GRIA3: variants seen among roughly 807,000 people sequenced by gnomAD.
GRIA3 encodes glutamate ionotropic receptor AMPA type subunit 3.
Under a neutral mutation model 63.0 loss-of-function variants are expected in GRIA3, and 3 were observed. The observed-to-expected ratio is 0.05, with a 90% CI of 0.02 to 0.12. The LOEUF (loss-of-function observed/expected upper bound fraction) is 0.12, where lower values mean the gene tolerates loss of function less well. Ranked by LOEUF, GRIA3 falls within the 10% of genes least tolerant of loss-of-function variation. GRIA3 has a pLI of 1.00. For missense variants in GRIA3, 347 were observed against 700.9 expected, an observed-to-expected ratio of 0.50 and a Z score of 5.70; for synonymous variants, 274 against 257.9, an observed-to-expected ratio of 1.06 and a Z score of -0.60.
At chrX:123,226,223 A>G (rs1301121581) in intron 2 of GRIA3, among the ~76,000 whole-genome samples, 1 of 111,523 alleles carries the variant, frequency 9.0e-6, no homozygotes, top group Non-Finnish European at 1.9e-5. Flanking sequence ...ATTATCATAA[A>G]AAACAACATA....
In GRIA3 at chrX:123,412,514, C is replaced by T. The variant is rs569528308; in HGVS notation, c.1501-4888C>T. ...AAGAAAACTTACATGCGGCCAAAAA[C>T]TGCCTGTGGGAATAGTGGTGATAGA... On this transcript the variant is annotated intron_variant, in intron 10 of 15. Transcript: ENST00000620443. Among the ~76,000 whole-genome samples the T allele has an allele frequency of 3.0e-4, 34 of 111,865 alleles. No homozygotes were observed. In the South Asian group the frequency reaches 9.3e-3, roughly 31 times the overall value.
intron 5 of GRIA3, among the ~76,000 whole-genome samples, chrX:123,355,981 T>C (rs1015619827): frequency 1.8e-5 from 2 of 112,145 alleles, no homozygotes; most frequent in Admixed American, 9.4e-5. Flanking sequence ...GTAGTGTGCA[T>C]TTTTCTCCAA....
chrX:123,269,056 A>G lies in GRIA3; in HGVS notation c.508+15514A>G, dbSNP rs144520169. On this transcript the variant is annotated intron_variant, in intron 3 of 15. Coordinates refer to ENST00000620443, the MANE Select transcript of GRIA3 (RefSeq NM_007325.5). ...TGTAAGGCTTTACCCAACAGAATTG[A>G]AAGAGTCAATGTACCTTCCCATGTT... Among the ~76,000 whole-genome samples, 316 of 112,222 alleles carry G rather than the reference A, an allele frequency of 2.8e-3. 6 individuals carry two copies. The highest frequency in any genetic ancestry group is 9.8e-3 in the African/African-American group (303 of 30,896).
intron 2 of GRIA3, among the ~76,000 whole-genome samples, chrX:123,216,344 T>C (rs1324347085): frequency 8.9e-6 from 1 of 112,242 alleles, no homozygotes; most frequent in Non-Finnish European, 1.9e-5. Context: ...TTTTGTGCTG[T>C]GTTGTGGGGA....
chrX:123,428,880 T>A (rs1349781988), intron 12 of GRIA3, among the ~76,000 whole-genome samples: 1 of 112,311 alleles, frequency 8.9e-6, no homozygotes, highest in Non-Finnish European at 1.9e-5. Flanking sequence ...CACTTTCACA[T>A]AAACCATCAA....
chrX:123,365,324 C>A (rs1395346744), intron 5 of GRIA3, among the ~76,000 whole-genome samples: 1 of 109,643 alleles, frequency 9.1e-6, no homozygotes, highest in African/African-American at 3.3e-5. Flanking sequence ...AATAGAGGCA[C>A]CTAAAGTTGT....
At chrX:123,288,700 A>C (rs2044637044) in intron 3 of GRIA3, among the ~76,000 whole-genome samples, 2 of 112,655 alleles carry the variant, frequency 1.8e-5, no homozygotes, top group Admixed American at 9.4e-5. Flanking sequence ...AGAGAAATGC[A>C]AATCAAAACC....
intron 13 of GRIA3, among the ~76,000 whole-genome samples, chrX:123,472,812 G>A (rs2045870596): frequency 8.9e-6 from 1 of 112,591 alleles, no homozygotes; most frequent in South Asian, 3.6e-4. Context: ...TCATCAATAG[G>A]TTTCAATCAC....
At chrX:123,265,650 C>A (rs902286551) in intron 3 of GRIA3, among the ~76,000 whole-genome samples, 2 of 111,511 alleles carry the variant, frequency 1.8e-5, no homozygotes, top group African/African-American at 6.5e-5. Context: ...GCAGTCAAAC[C>A]TTTATGGTTC....
At chrX:123,190,144 C>G (rs1343734583) in intron 2 of GRIA3, among the ~76,000 whole-genome samples, 1 of 111,011 alleles carries the variant, frequency 9.0e-6, no homozygotes, top group African/African-American at 3.3e-5. Flanking sequence ...ATTTGGAAAC[C>G]AGGTGAAGAC....
chrX:123,355,915 G>A (rs1466865038), intron 5 of GRIA3, among the ~76,000 whole-genome samples: 2 of 111,289 alleles, frequency 1.8e-5, no homozygotes, highest in Admixed American at 1.9e-4. Flanking sequence ...TCTTTCTTAG[G>A]GGTATGTGCA....
At chrX:123,278,683 C>G (rs2044568682) in intron 3 of GRIA3, among the ~76,000 whole-genome samples, 1 of 112,335 alleles carries the variant, frequency 8.9e-6, no homozygotes, top group Non-Finnish European at 1.9e-5. Flanking sequence ...AAGAGGCTGT[C>G]CTTTTCCCAA....
chrX:123,218,345 A>G (rs781735172), intron 2 of GRIA3, among the ~76,000 whole-genome samples: 1 of 112,590 alleles, frequency 8.9e-6, no homozygotes, highest in African/African-American at 3.2e-5. Flanking sequence ...ACTTCCTAAC[A>G]TACTGTTCTG....
chrX:123,481,779 T>C (rs2045913879), intron 14 of GRIA3, among the ~76,000 whole-genome samples: 1 of 112,037 alleles, frequency 8.9e-6, no homozygotes, highest in South Asian at 3.8e-4. Flanking sequence ...CCAACTTTTT[T>C]CTTTCCATTG....
At chrX:123,484,574 G>A (rs1029412280) in intron 15 of GRIA3, among the ~76,000 whole-genome samples, 1 of 111,722 alleles carries the variant, frequency 9.0e-6, no homozygotes, top group Admixed American at 9.4e-5. Flanking sequence ...TCCACATCCC[G>A]GGTTCAAGCG....
chrX:123,430,979 C>T (rs1424819875), intron 12 of GRIA3, among the ~76,000 whole-genome samples: 1 of 107,821 alleles, frequency 9.3e-6, no homozygotes, highest in Non-Finnish European at 1.9e-5. Flanking sequence ...GAGACTCTGT[C>T]TCAAAAACAA....
At chrX:123,372,582 T>C (rs1223325538) in intron 5 of GRIA3, among the ~76,000 whole-genome samples, 1 of 111,927 alleles carries the variant, frequency 8.9e-6, no homozygotes, top group Middle Eastern at 4.2e-3. Context: ...ATTGCAGATA[T>C]CTTTTACTTT....
At chrX:123,223,911 A>G (rs2044231454) in intron 2 of GRIA3, among the ~76,000 whole-genome samples, 1 of 112,416 alleles carries the variant, frequency 8.9e-6, no homozygotes, top group Non-Finnish European at 1.9e-5. Flanking sequence ...CCAAAAGTAC[A>G]TGAGGTCATT....
chrX:123,348,376 G>A (rs887831696), intron 4 of GRIA3, among the ~76,000 whole-genome samples: 13 of 111,790 alleles, frequency 1.2e-4, no homozygotes, highest in South Asian at 3.7e-4. Flanking sequence ...TGGGGAGATA[G>A]CTAATATCAG....
Sources: allele counts gnomAD v4.1 joint callset (sites outside exome capture counted in the v4.1 genomes callset), GRCh38; gene constraint gnomAD v4.1.1; transcripts MANE v1.5; gene names NCBI Gene and HGNC (gene_info 2026-07-23, HGNC 2026-07-21).